Variants in CFAP57 observed in about 807,000 individuals in gnomAD.
CFAP57 encodes the protein cilia- and flagella-associated protein 57.
CFAP57 carries 116 observed loss-of-function variants against 146.8 expected under a neutral mutation model. That is an observed-to-expected ratio of 0.79 (90% CI 0.68 to 0.92). The LOEUF (loss-of-function observed/expected upper bound fraction) is 0.92. Among genes scored for constraint, CFAP57 ranks in the 40% least tolerant of loss-of-function variants. The pLI is 0.00. For synonymous variants in CFAP57, 518 were observed against 552.8 expected, an observed-to-expected ratio of 0.94 and a Z score of 0.88; for missense variants, 1,377 against 1,527.2, an observed-to-expected ratio of 0.90 and a Z score of 1.64.
chr1:43,252,924 G>A (rs1212289264), intron 22 of CFAP57, among the ~76,000 whole-genome samples: 1 of 152,176 alleles, frequency 6.6e-6, no homozygotes, highest in Non-Finnish European at 1.5e-5. Flanking sequence ...GAGAGATAAA[G>A]ATATAGTAAA....
At chr1:43,236,614 AAAAG>A (rs1396110885) in intron 21 of CFAP57, among the ~76,000 whole-genome samples, 65 of 149,896 alleles carry the variant, frequency 4.3e-4, no homozygotes, top group African/African-American at 1.5e-3. Flanking sequence ...AAAAAAAAAA[AAAAG>A]GCAATTTCCA....
chr1:43,227,157 T>G, intron 18 of CFAP57, 31 bp downstream of exon 18: 1 of 1,491,110 alleles, frequency 6.7e-7, no homozygotes, highest in Non-Finnish European at 8.9e-7. Context: ...CTCTGGCCTC[T>G]CAGACCCTCT....
In CFAP57 at chr1:43,243,482, C is replaced by T. The variant is rs968642572; in HGVS notation, c.3538+123C>T. 26 of 1,089,512 alleles carry T rather than the reference C, an allele frequency of 2.4e-5. No homozygotes were observed. The African/African-American group carries it at 2.9e-4, about 12-fold the overall frequency. The allele number at this position is 1,089,512 out of a possible 1,614,324, so 67.5% of individuals were successfully genotyped here. A position where few individuals can be genotyped will look rare whatever the true frequency, so the allele number is the denominator to read the frequency against. ...CCATCTACACATGGCCTTCTGGGAT[C>T]CTGTCCGGGGCACACACCTGCTCTT... On this transcript the variant is annotated intron_variant, in intron 22 of 22. Coordinates refer to ENST00000372492, the MANE Select transcript of CFAP57 (RefSeq NM_001378189.1).
At chr1:43,234,816 G>A (rs1290632262) in intron 21 of CFAP57, among the ~76,000 whole-genome samples, 178 bp downstream of exon 21, 8 of 152,102 alleles carry the variant, frequency 5.3e-5, no homozygotes, top group Non-Finnish European at 7.4e-5. Context: ...GGCTGTGACT[G>A]TGGCTGAGAG....
In CFAP57 at chr1:43,219,476, A is replaced by G. The variant is rs148273731; in HGVS notation, c.2186A>G (p.Lys729Arg). The change falls in exon 13 of 23, where the codon AAG (lysine) becomes AGG (arginine). Residue 729 changes from lysine to arginine, a missense_variant. Coordinates refer to ENST00000372492, the MANE Select transcript of CFAP57 (RefSeq NM_001378189.1). ...LRLKDMNYSE[K>R]IKELTDKFIQ... ...CTAAAGGACATGAACTATTCTGAGA[A>G]GATTAAGGAGCTAACAGACAAGTTC... is the stretch of plus-strand genomic sequence containing the variant. 63 of 1,550,636 alleles carry G rather than the reference A, an allele frequency of 4.1e-5. No individual in the cohort carries two copies. The East Asian group carries it at 1.5e-3, about 37-fold the overall frequency.
intron 18 of CFAP57, 70 bp from the exon 19 acceptor site, chr1:43,232,438 T>G (rs1645510290): frequency 7.5e-7 from 1 of 1,338,734 alleles, no homozygotes. Flanking sequence ...ACTGAAAGAC[T>G]ACAGTTCTCA....
chr1:43,206,891 G>A lies in CFAP57; in HGVS notation c.1714G>A (p.Val572Ile). ...VSPDAKIIFA[V>I]GSDHTLKEIA... ...CCCCGATGCCAAAATTATCTTTGCT[G>A]TTGGATCAGACCACACCCTCAAGGA... Residue 572 changes from valine (V) to isoleucine (I), a missense_variant, in exon 10 of 23, where the codon GTT (valine) becomes ATT (isoleucine). Val to Ile is a conservative substitution (Grantham distance 29, BLOSUM62 3). Transcript: ENST00000372492. 6.2e-7 allele frequency: 1 copy of A among 1,614,142 alleles called. No homozygotes were observed. The highest frequency in any genetic ancestry group is 8.5e-7 in the Non-Finnish European group (1 of 1,180,040).
At chr1:43,180,194 GA>G (rs1557726014) in intron 2 of CFAP57, among the ~76,000 whole-genome samples, 3 of 144,722 alleles carry the variant, frequency 2.1e-5, no homozygotes, top group African/African-American at 8.0e-5. Flanking sequence ...CGACAAGAGT[GA>G]AACTCTATCT....
At position 43,248,184 on chromosome 1, in the gene CFAP57, A is replaced by AATTC. The variant is rs1570366630; in HGVS notation, c.3538+4828_3538+4831dup. On this transcript the variant is annotated intron_variant, in intron 22 of 22. Coordinates refer to ENST00000372492, the MANE Select transcript of CFAP57 (RefSeq NM_001378189.1). ...AACAGTTATTTTGCTCCAGGACAAA[A>AATTC]ATTCATCATACAAAATTCTTTCTCA... 5.9e-5 allele frequency among the ~76,000 whole-genome samples: 9 copies of AATTC among 151,768 alleles called. No individual in the cohort carries two copies. In the East Asian group the frequency reaches 1.7e-3, roughly 29 times the overall value.
At chr1:43,216,267 CAAGT>C (rs1419245391) in intron 12 of CFAP57, among the ~76,000 whole-genome samples, 2 of 152,110 alleles carry the variant, frequency 1.3e-5, no homozygotes, top group Non-Finnish European at 2.9e-5. Context: ...GGGATAGAAA[CAAGT>C]AAAGCCATCA....
chr1:43,226,902 C>T (rs1645263844), intron 17 of CFAP57, 81 bp from the exon 18 acceptor site: 4 of 1,394,608 alleles, frequency 2.9e-6, no homozygotes, highest in Non-Finnish European at 3.8e-6. Flanking sequence ...GAGTCACAGG[C>T]TTCGTGCTCT....
intron 2 of CFAP57, among the ~76,000 whole-genome samples, chr1:43,175,305 G>GTATGTAT (rs1645127301): frequency 1.3e-5 from 2 of 151,298 alleles, no homozygotes; most frequent in African/African-American, 2.4e-5. Context: ...TATACTATAT[G>GTATGTAT]TACATGTATA....
At chr1:43,219,283 C>A in intron 12 of CFAP57, 99 bp from the exon 13 acceptor site, 1 of 1,277,668 alleles carries the variant, frequency 7.8e-7, no homozygotes, top group Non-Finnish European at 1.1e-6. Context: ...GAGTTTGAAG[C>A]TAGGCAGAGC....
intron 11 of CFAP57, among the ~76,000 whole-genome samples, chr1:43,213,137 G>T (rs997146275): frequency 2.6e-5 from 4 of 151,744 alleles, no homozygotes; most frequent in African/African-American, 9.7e-5. Flanking sequence ...GCCCAGGCTT[G>T]AGTGCAATGG....
chr1:43,247,697 T>A (rs1349838755), intron 22 of CFAP57, among the ~76,000 whole-genome samples: 1 of 152,240 alleles, frequency 6.6e-6, no homozygotes, highest in Non-Finnish European at 1.5e-5. Context: ...TTTTATTATC[T>A]AAACTTTCTA....
chr1:43,232,709 G>A, intron 19 of CFAP57, 85 bp downstream of exon 19: 2 of 906,952 alleles, frequency 2.2e-6, no homozygotes, highest in Non-Finnish European at 3.3e-6. Flanking sequence ...AAGAGGCAGA[G>A]CCAGCCCACT....
At chr1:43,219,574 A>G (rs1263361872) in intron 13 of CFAP57, 37 bp downstream of exon 13, 1 of 1,549,370 alleles carries the variant, frequency 6.5e-7, no homozygotes, top group Admixed American at 2.0e-5. Context: ...CACAAATAAC[A>G]AGAAATTTCC....
intron 18 of CFAP57, chr1:43,231,946 C>T (rs1645488660): frequency 3.9e-6 from 2 of 515,882 alleles, no homozygotes; most frequent in African/African-American, 3.9e-5. Flanking sequence ...CTCAGTTGTA[C>T]TTTTTAAGAC....
intron 21 of CFAP57, among the ~76,000 whole-genome samples, chr1:43,235,910 A>T (rs1286795031): frequency 6.6e-6 from 1 of 152,192 alleles, no homozygotes; most frequent in Non-Finnish European, 1.5e-5. Context: ...CCCTCTCTCC[A>T]TGCCAAGCAG....
Sources: allele counts gnomAD v4.1 joint callset (sites outside exome capture counted in the v4.1 genomes callset), GRCh38; gene constraint gnomAD v4.1.1; transcripts MANE v1.5; gene names NCBI Gene and HGNC (gene_info 2026-07-23, HGNC 2026-07-21).